ABCC1: variants seen among roughly 807,000 people sequenced by gnomAD.
ABCC1 encodes ATP binding cassette subfamily C member 1 (ABCC1 blood group), also known as multidrug resistance-associated protein 1.
A neutral mutation model predicts 172.9 loss-of-function variants in ABCC1; 83 were observed. The ratio of observed to expected loss-of-function variants is 0.48; its 90% CI spans 0.40 to 0.58. The LOEUF (loss-of-function observed/expected upper bound fraction) is 0.58, where lower values mean the gene tolerates loss of function less well. Among genes scored for constraint, ABCC1 ranks in the 20% least tolerant of loss-of-function variants. The pLI is 0.00. For synonymous variants in ABCC1, 937 were observed against 825.2 expected (o/e 1.14, Z -2.32); for missense variants, 1,817 against 2,002.7 (o/e 0.91, Z 1.77).
intron 1 of ABCC1, among the ~76,000 whole-genome samples, chr16:15,950,448 C>T (rs1192299567): frequency 1.3e-5 from 2 of 152,126 alleles, no homozygotes; most frequent in Non-Finnish European, 2.9e-5. Flanking sequence ...TCGGGGCAGA[C>T]TTGGGGTGCA....
At chr16:16,004,230 G>C (rs1004713748) in intron 1 of ABCC1, among the ~76,000 whole-genome samples, 10 of 110,626 alleles carry the variant, frequency 9.0e-5, no homozygotes. Flanking sequence ...TTAGGAAGCA[G>C]TTGCATAGTC....
intron 1 of ABCC1, among the ~76,000 whole-genome samples, chr16:15,993,448 G>A (rs2151641110): frequency 6.6e-6 from 1 of 152,266 alleles, no homozygotes; most frequent in South Asian, 2.1e-4. Context: ...ACTTGCTTTA[G>A]GGCAGCAGGG....
intron 1 of ABCC1, among the ~76,000 whole-genome samples, chr16:16,006,116 C>G (rs2047523333): frequency 6.6e-6 from 1 of 152,060 alleles, no homozygotes; most frequent in Non-Finnish European, 1.5e-5. Context: ...CATCTATGGG[C>G]CAAACTGTGG....
chr16:16,090,280 C>A (rs2051191446), intron 18 of ABCC1, 125 bp from the exon 19 acceptor site: 2 of 1,002,732 alleles, frequency 2.0e-6, no homozygotes, highest in Non-Finnish European at 2.8e-6. Context: ...GCATGTCCCA[C>A]CTTCAGACCT....
chr16:16,138,638 T>A (rs886876268), intron 30 of ABCC1, 80 bp downstream of exon 30: 6 of 1,238,924 alleles, frequency 4.8e-6, no homozygotes, highest in Non-Finnish European at 6.5e-6. Context: ...CATTAATTCA[T>A]TCAACACTGT....
At chr16:15,970,143 C>G (rs1195815330) in intron 1 of ABCC1, among the ~76,000 whole-genome samples, 1 of 152,170 alleles carries the variant, frequency 6.6e-6, no homozygotes, top group African/African-American at 2.4e-5. Context: ...GGTTAAGATA[C>G]AAGCTCATTT....
intron 10 of ABCC1, among the ~76,000 whole-genome samples, chr16:16,049,515 T>C (rs1238909980): frequency 2.0e-5 from 3 of 152,154 alleles, no homozygotes; most frequent in Non-Finnish European, 4.4e-5. Context: ...TACCTTTCCT[T>C]CCTTCTTCCT....
chr16:16,130,583 C>T (rs2045634591), intron 26 of ABCC1, among the ~76,000 whole-genome samples: 1 of 152,154 alleles, frequency 6.6e-6, no homozygotes, highest in African/African-American at 2.4e-5. Context: ...ACATGGCACA[C>T]TGTTGTCTAA....
chr16:16,070,469 C>T (rs1596458522), intron 13 of ABCC1, among the ~76,000 whole-genome samples: 1 of 152,142 alleles, frequency 6.6e-6, no homozygotes, highest in South Asian at 2.1e-4. Flanking sequence ...TGGAGACCAT[C>T]CTGGCTAACA....
rs575428114 is a variant in ABCC1 at position 16,109,367 on chromosome 16, G to A, written c.2872-2008G>A. Among the ~76,000 whole-genome samples, 9 of 152,110 alleles carry A rather than the reference G, an allele frequency of 5.9e-5. No individual in the cohort carries two copies. In the South Asian group the frequency reaches 1.9e-3, roughly 32 times the overall value. On this transcript the variant is annotated intron_variant, in intron 21 of 30. Transcript: ENST00000399410. ...AATTTTAAAATTTTTTGTAGAGACAGGGTCTTACTGTGTTTCCCAGGCTGG... is the reference window on the plus strand; with the variant it reads ...AATTTTAAAATTTTTTGTAGAGACAAGGTCTTACTGTGTTTCCCAGGCTGG...
chr16:16,083,062 G>T (rs2050868074), intron 16 of ABCC1, among the ~76,000 whole-genome samples: 2 of 152,196 alleles, frequency 1.3e-5, no homozygotes, highest in African/African-American at 4.8e-5. Context: ...CAGGGGTTTT[G>T]ATCACCGCTG....
chr16:16,139,402 G>A (rs1332574094), intron 30 of ABCC1, among the ~76,000 whole-genome samples: 3 of 151,922 alleles, frequency 2.0e-5, no homozygotes, highest in Non-Finnish European at 2.9e-5. Context: ...ACCTGAGGTC[G>A]ATAGTTTGAG....
chr16:15,973,357 T>C (rs1164116321), intron 1 of ABCC1, among the ~76,000 whole-genome samples: 1 of 152,126 alleles, frequency 6.6e-6, no homozygotes, highest in Non-Finnish European at 1.5e-5. Context: ...GCTGTCACGA[T>C]GGGGCAGGGA....
At position 16,044,518 on chromosome 16, in the gene ABCC1, C is replaced by T. The variant is rs200771920; in HGVS notation, c.878C>T (p.Ala293Val). 3.5e-5 allele frequency: 57 copies of T among 1,614,128 alleles called. No individual in the cohort carries two copies. The Middle Eastern group carries it at 5.0e-4, about 14-fold the overall frequency. Reference sequence around the variant, plus strand: ...CCGAAAGAGAGTTCCAAGGTGGATGCGAATGAGGAGGTGGAGGCTTTGATC... The same window carrying T: ...CCGAAAGAGAGTTCCAAGGTGGATGTGAATGAGGAGGTGGAGGCTTTGATC... Reference protein sequence around the residue: ...AQPKESSKVDANEEVEALIVK... With the variant: ...AQPKESSKVDVNEEVEALIVK... Residue 293 changes from alanine (A) to valine (V), a missense_variant, in exon 8 of 31, where the codon GCG becomes GTG. By Grantham distance (64) the Ala-to-Val change is moderately conservative. Coordinates refer to ENST00000399410, the MANE Select transcript of ABCC1 (RefSeq NM_004996.4).
At chr16:16,046,477 G>A (rs780977178) in intron 9 of ABCC1, among the ~76,000 whole-genome samples, 23 of 151,812 alleles carry the variant, frequency 1.5e-4, no homozygotes, top group Non-Finnish European at 2.8e-4. Context: ...CCTGAGTAGC[G>A]GGGACTACAG....
intron 25 of ABCC1, among the ~76,000 whole-genome samples, chr16:16,125,232 G>A (rs1466138225): frequency 1.3e-5 from 2 of 152,130 alleles, no homozygotes; most frequent in Non-Finnish European, 2.9e-5. Context: ...CACAAATGAT[G>A]ATACATTGTG....
At chr16:16,043,896 C>T (rs1438442345) in intron 7 of ABCC1, among the ~76,000 whole-genome samples, 1 of 152,242 alleles carries the variant, frequency 6.6e-6, no homozygotes, top group East Asian at 1.9e-4. Flanking sequence ...ACCACCACTC[C>T]TGGCCATGAT....
chr16:16,063,808 G>A (rs977287069), intron 12 of ABCC1, among the ~76,000 whole-genome samples: 1 of 152,160 alleles, frequency 6.6e-6, no homozygotes, highest in Non-Finnish European at 1.5e-5. Flanking sequence ...TGAACAGAGA[G>A]TCTTACTCTT....
intron 18 of ABCC1, among the ~76,000 whole-genome samples, chr16:16,088,132 T>TGC (rs1339327144): frequency 1.8e-4 from 22 of 120,018 alleles, no homozygotes; most frequent in African/African-American, 5.6e-4. Context: ...TGCGTGTGTG[T>TGC]GTGTGTGTGT....
Sources: gnomAD v4.1 joint callset for allele counts (sites outside exome capture counted in the v4.1 genomes callset) on GRCh38, gnomAD v4.1.1 for gene constraint, MANE v1.5 for transcripts, NCBI Gene and HGNC (gene_info 2026-07-23, HGNC 2026-07-21) for gene names.